SORCS3: variants seen among roughly 807,000 people sequenced by gnomAD.
SORCS3 encodes sortilin related VPS10 domain containing receptor 3.
In SORCS3, 57 loss-of-function variants were observed where a neutral mutation model predicts 146.3. The ratio of observed to expected loss-of-function variants is 0.39; its 90% CI spans 0.31 to 0.49. SORCS3 has a LOEUF of 0.49. SORCS3 is among the 20% of genes least tolerant of loss of function. The pLI, the probability that SORCS3 is intolerant of heterozygous loss-of-function variation, is 0.92. For missense variants in SORCS3, 1,341 were observed against 1,575.5 expected, an observed-to-expected ratio of 0.85 and a Z score of 2.52; for synonymous variants, 653 against 618.5, an observed-to-expected ratio of 1.06 and a Z score of -0.83.
intron 14 of SORCS3, among the ~76,000 whole-genome samples, chr10:105,185,586 G>A (rs1258348171): frequency 6.6e-6 from 1 of 152,056 alleles, no homozygotes; most frequent in African/African-American, 2.4e-5. Context: ...CTACATTATT[G>A]TCTTACAGGT....
intron 1 of SORCS3, among the ~76,000 whole-genome samples, chr10:104,812,276 G>A (rs192899164): frequency 3.1e-4 from 47 of 152,198 alleles, no homozygotes; most frequent in East Asian, 9.7e-4. Context: ...CAGCAGTTGC[G>A]TATCTAAAAT....
At chr10:105,140,182 G>T (rs931822414) in intron 8 of SORCS3, among the ~76,000 whole-genome samples, 1 of 152,150 alleles carries the variant, frequency 6.6e-6, no homozygotes. Flanking sequence ...CATATCAGGT[G>T]TAATGTTGCA....
At chr10:104,930,932 T>C (rs1036970826) in intron 3 of SORCS3, among the ~76,000 whole-genome samples, 15 of 152,354 alleles carry the variant, frequency 9.8e-5, no homozygotes, top group Non-Finnish European at 1.6e-4. Context: ...CGTGGTACCC[T>C]GTAAGTAAAT....
chr10:104,737,822 T>C (rs1169331233), intron 1 of SORCS3, among the ~76,000 whole-genome samples: 1 of 150,216 alleles, frequency 6.7e-6, no homozygotes, highest in East Asian at 1.9e-4. Flanking sequence ...GCCATTGCTT[T>C]TGGTGTTTTA....
intron 8 of SORCS3, among the ~76,000 whole-genome samples, chr10:105,145,114 T>G (rs1204593860): frequency 2.0e-5 from 3 of 151,894 alleles, no homozygotes; most frequent in African/African-American, 4.8e-5. Context: ...ATGTGCATTT[T>G]AGGTTAATGT....
At chr10:105,222,822 T>G (rs921630644) in intron 19 of SORCS3, among the ~76,000 whole-genome samples, 1 of 152,232 alleles carries the variant, frequency 6.6e-6, no homozygotes, top group Admixed American at 6.5e-5. Context: ...GCTAAGTGTC[T>G]AGTAAATCAG....
chr10:104,820,655 G>T (rs1176872480), intron 1 of SORCS3, among the ~76,000 whole-genome samples: 1 of 152,162 alleles, frequency 6.6e-6, no homozygotes, highest in Non-Finnish European at 1.5e-5. Flanking sequence ...AAAGGATTGA[G>T]TTTGTCAATA....
intron 1 of SORCS3, among the ~76,000 whole-genome samples, chr10:104,699,003 G>C (rs1004038086): frequency 1.3e-5 from 2 of 152,082 alleles, no homozygotes; most frequent in Non-Finnish European, 2.9e-5. Context: ...CAAAAATTTG[G>C]GGTTCAGAGA....
At chr10:104,811,373 A>C (rs569537199) in intron 1 of SORCS3, among the ~76,000 whole-genome samples, 1 of 152,358 alleles carries the variant, frequency 6.6e-6, no homozygotes, top group East Asian at 1.9e-4. Flanking sequence ...GTTTCTGAGA[A>C]GAGAGGGAAC....
At chr10:104,744,906 A>C (rs1423578427) in intron 1 of SORCS3, among the ~76,000 whole-genome samples, 1 of 152,262 alleles carries the variant, frequency 6.6e-6, no homozygotes, top group East Asian at 1.9e-4. Flanking sequence ...CTTCACGGGC[A>C]TTAATCAATG....
intron 4 of SORCS3, among the ~76,000 whole-genome samples, chr10:105,023,597 G>T (rs560547126): frequency 1.3e-4 from 20 of 152,164 alleles, no homozygotes; most frequent in Non-Finnish European, 1.5e-4. Flanking sequence ...GTCGCAGGCT[G>T]TGCACCATGC....
At chr10:104,928,907 G>C (rs1366439288) in intron 3 of SORCS3, among the ~76,000 whole-genome samples, 2 of 152,206 alleles carry the variant, frequency 1.3e-5, no homozygotes, top group Non-Finnish European at 2.9e-5. Context: ...ATCTAACTCT[G>C]AGAAATGGCT....
At chr10:104,839,457 G>T (rs1413753156) in intron 1 of SORCS3, among the ~76,000 whole-genome samples, 2 of 152,188 alleles carry the variant, frequency 1.3e-5, no homozygotes, top group Non-Finnish European at 2.9e-5. Context: ...AAGCAGAGAT[G>T]TGAGGATGTG....
chr10:104,798,798 C>T (rs553274576), intron 1 of SORCS3, among the ~76,000 whole-genome samples: 146 of 152,168 alleles, frequency 9.6e-4, no homozygotes, highest in Non-Finnish European at 1.4e-3. Context: ...GCAATCTATC[C>T]ATCTGACAAA....
At chr10:105,177,909 A>G (rs2056417786) in intron 13 of SORCS3, among the ~76,000 whole-genome samples, 157 bp from the exon 14 acceptor site, 1 of 152,194 alleles carries the variant, frequency 6.6e-6, no homozygotes, top group Non-Finnish European at 1.5e-5. Context: ...ATCAAATCTC[A>G]TAATAATATG....
chr10:105,027,096 G>A (rs543803893), intron 4 of SORCS3, among the ~76,000 whole-genome samples: 17 of 152,212 alleles, frequency 1.1e-4, no homozygotes, highest in African/African-American at 3.6e-4. Context: ...CCTCCTGCTC[G>A]CTGTGCTCCA....
chr10:104,909,034 G>T (rs1468940903), intron 2 of SORCS3, among the ~76,000 whole-genome samples: 1 of 152,106 alleles, frequency 6.6e-6, no homozygotes, highest in East Asian at 1.9e-4. Context: ...CATGACTCGG[G>T]GGTGGGACAG....
At chr10:104,670,816 G>A (rs2015842064) in intron 1 of SORCS3, among the ~76,000 whole-genome samples, 2 of 152,090 alleles carry the variant, frequency 1.3e-5, no homozygotes, top group African/African-American at 2.4e-5. Flanking sequence ...CATGAACATG[G>A]GGTTTGTCCA....
intron 2 of SORCS3, among the ~76,000 whole-genome samples, chr10:104,872,747 C>A (rs1170365383): frequency 6.6e-6 from 1 of 152,000 alleles, no homozygotes; most frequent in Non-Finnish European, 1.5e-5. Flanking sequence ...GCTCTATCTC[C>A]TCTGTGTCTG....
Sources: allele counts gnomAD v4.1 joint callset (sites outside exome capture counted in the v4.1 genomes callset), GRCh38; gene constraint gnomAD v4.1.1; transcripts MANE v1.5; gene names NCBI Gene and HGNC (gene_info 2026-07-23, HGNC 2026-07-21).